The following MPP7 variants were observed in gnomAD, a reference collection of about 807,000 sequenced individuals.
MPP7 encodes the protein MAGUK p55 scaffold protein 7.
MPP7 carries 60 observed loss-of-function variants against 76.5 expected under a neutral mutation model. The observed-to-expected ratio is 0.78, with a 90% confidence interval of 0.64 to 0.97. The LOEUF (loss-of-function observed/expected upper bound fraction) is 0.97. MPP7 is among the 50% of genes least tolerant of loss of function. The pLI, the probability that MPP7 is intolerant of heterozygous loss-of-function variation, is 0.00. For missense variants in MPP7, 641 were observed against 694.0 expected, an observed-to-expected ratio of 0.92 and a Z score of 0.86; for synonymous variants, 237 against 244.5, an observed-to-expected ratio of 0.97 and a Z score of 0.29.
At chr10:28,302,595 G>A (rs564307177) in intron 1 of MPP7, among the ~76,000 whole-genome samples, 1 of 152,058 alleles carries the variant, frequency 6.6e-6, no homozygotes, top group East Asian at 1.9e-4. Context: ...CCCGCCCGGA[G>A]TCCCGCGCGT....
intron 12 of MPP7, among the ~76,000 whole-genome samples, chr10:28,085,460 C>G (rs1242762019): frequency 6.6e-6 from 1 of 152,120 alleles, no homozygotes; most frequent in African/African-American, 2.4e-5. Flanking sequence ...GAGTTGGGAA[C>G]AGCAGAGGGT....
intron 3 of MPP7, among the ~76,000 whole-genome samples, chr10:28,189,315 C>A (rs1316782080): frequency 6.6e-6 from 1 of 152,068 alleles, no homozygotes; most frequent in African/African-American, 2.4e-5. Flanking sequence ...GTAATCCCAG[C>A]ACTTTGGGAG....
chr10:28,121,956 G>A (rs541883850), intron 8 of MPP7, among the ~76,000 whole-genome samples: 24 of 152,260 alleles, frequency 1.6e-4, no homozygotes, highest in East Asian at 3.9e-4. Context: ...GCTCTGGGCC[G>A]AGCCTTAAGA....
chr10:28,233,072 C>T (rs1004758933), intron 2 of MPP7, among the ~76,000 whole-genome samples: 8 of 151,978 alleles, frequency 5.3e-5, no homozygotes, highest in African/African-American at 1.7e-4. Flanking sequence ...GGCACTATCC[C>T]GGGAATAAAA....
At chr10:28,116,138 G>A (rs546412970) in intron 11 of MPP7, among the ~76,000 whole-genome samples, 3 of 152,116 alleles carry the variant, frequency 2.0e-5, no homozygotes, top group East Asian at 1.9e-4. Flanking sequence ...ACTCCTTTCT[G>A]AAGACAATAT....
At chr10:28,067,450 T>C (rs752314642) in intron 13 of MPP7, among the ~76,000 whole-genome samples, 8 of 152,356 alleles carry the variant, frequency 5.3e-5, no homozygotes, top group Middle Eastern at 3.4e-3. Flanking sequence ...CATATCTTTT[T>C]ATAGAACTCC....
intron 3 of MPP7, among the ~76,000 whole-genome samples, chr10:28,200,612 A>T (rs754697025): frequency 6.6e-6 from 1 of 152,316 alleles, no homozygotes; most frequent in Non-Finnish European, 1.5e-5. Flanking sequence ...CCATCTCTGT[A>T]GTTCCTTTTT....
chr10:28,065,720 CT>C (rs1019655605), intron 13 of MPP7, among the ~76,000 whole-genome samples: 1 of 151,976 alleles, frequency 6.6e-6, no homozygotes, highest in Non-Finnish European at 1.5e-5. Context: ...GTTATAATGC[CT>C]TTTTTTTATT....
At chr10:28,274,378 C>A (rs1381311409) in intron 1 of MPP7, among the ~76,000 whole-genome samples, 8 of 150,916 alleles carry the variant, frequency 5.3e-5, no homozygotes, top group African/African-American at 1.5e-4. Flanking sequence ...GGATTACAGG[C>A]ATAAGCCACC....
chr10:28,052,563 A>G lies in MPP7; in HGVS notation c.*1502T>C, dbSNP rs558105618. The G allele has an allele frequency of 2.0e-5, 3 of 152,790 alleles. No homozygotes were observed. The highest frequency in any genetic ancestry group is 7.2e-5 in the African/African-American group (3 of 41,578). 9.5% of individuals were successfully genotyped at this position (152,790 alleles called of 1,614,324 possible). A position where few individuals can be genotyped will look rare whatever the true frequency, so the allele number is the denominator to read the frequency against. ...ATCGCACACTTGGATCTATCTTTGT[A>G]AAGCTCAAATATTTACATGGAATGT... On this transcript the variant is annotated 3_prime_UTR_variant, in exon 17 of 17. Transcript: ENST00000683449.
At chr10:28,080,668 G>T (rs531065722) in intron 12 of MPP7, among the ~76,000 whole-genome samples, 1 of 152,306 alleles carries the variant, frequency 6.6e-6, no homozygotes, top group Non-Finnish European at 1.5e-5. Context: ...CAGATTTGTG[G>T]TTTATGCCCA....
chr10:28,105,781 TGG>T (rs1246667939), intron 11 of MPP7, among the ~76,000 whole-genome samples: 1 of 152,202 alleles, frequency 6.6e-6, no homozygotes, highest in Non-Finnish European at 1.5e-5. Flanking sequence ...GTGCAAGTGC[TGG>T]GATTACAGGC....
At chr10:28,310,974 G>T (rs1279991766) in intron 2 of MPP7, among the ~76,000 whole-genome samples, 1 of 151,448 alleles carries the variant, frequency 6.6e-6, no homozygotes, top group East Asian at 2.0e-4. Flanking sequence ...GTTTGATCTT[G>T]CTTATAAATA....
intron 2 of MPP7, among the ~76,000 whole-genome samples, chr10:28,213,491 T>G (rs540779551): frequency 7.9e-5 from 12 of 151,988 alleles, no homozygotes; most frequent in Non-Finnish European, 1.3e-4. Context: ...AAGAAAATGT[T>G]TGCATTTAAA....
At chr10:28,071,623 C>A (rs1186566217) in intron 12 of MPP7, among the ~76,000 whole-genome samples, 1 of 152,038 alleles carries the variant, frequency 6.6e-6, no homozygotes, top group African/African-American at 2.4e-5. Context: ...AATACATTGA[C>A]CTAACTAAAA....
At chr10:28,276,846 C>A (rs1181791713) in intron 1 of MPP7, among the ~76,000 whole-genome samples, 3 of 152,018 alleles carry the variant, frequency 2.0e-5, no homozygotes, top group Non-Finnish European at 4.4e-5. Context: ...GGAATAATAG[C>A]CCTATCGTTT....
chr10:28,118,935 T>C (rs577719461), intron 11 of MPP7: 8 of 985,406 alleles, frequency 8.1e-6, no homozygotes, highest in Admixed American at 1.2e-4. Context: ...AAACAAAGGG[T>C]TGGTTTTTTC....
intron 1 of MPP7, among the ~76,000 whole-genome samples, chr10:28,248,016 C>T (rs769922655): frequency 1.1e-4 from 17 of 151,772 alleles, no homozygotes; most frequent in South Asian, 4.1e-4. Context: ...AACAAATGAA[C>T]AGAAAAGGGG....
At chr10:28,247,999 A>G (rs1449271007) in intron 1 of MPP7, among the ~76,000 whole-genome samples, 2 of 152,198 alleles carry the variant, frequency 1.3e-5, no homozygotes, top group Admixed American at 6.5e-5. Context: ...TTTCATTTCT[A>G]CAGTGAAACA....
Sources: gnomAD v4.1 joint callset for allele counts (sites outside exome capture counted in the v4.1 genomes callset) on GRCh38, gnomAD v4.1.1 for gene constraint, MANE v1.5 for transcripts, NCBI Gene and HGNC (gene_info 2026-07-23, HGNC 2026-07-21) for gene names.